ATXN7L1: variants seen among roughly 807,000 people sequenced by gnomAD.
ATXN7L1 encodes ataxin 7 like 1, also known as ataxin-7-like protein 1.
In ATXN7L1, 15 loss-of-function variants were observed where a neutral mutation model predicts 70.8. The ratio of observed to expected loss-of-function variants is 0.21; its 90% CI spans 0.14 to 0.33. ATXN7L1 has a LOEUF of 0.33. ATXN7L1 is among the 10% of genes least tolerant of loss of function. ATXN7L1 has a pLI of 1.00. For missense variants in ATXN7L1, 975 were observed against 1,097.1 expected (o/e 0.89, Z 1.57); for synonymous variants, 440 against 445.1 (o/e 0.99, Z 0.14).
At chr7:105,636,004 C>G (rs1797300199) in intron 7 of ATXN7L1, among the ~76,000 whole-genome samples, 1 of 152,076 alleles carries the variant, frequency 6.6e-6, no homozygotes, top group Admixed American at 6.6e-5. Context: ...GGATCTTGTC[C>G]TAAACTAAGT....
chr7:105,712,201 G>T (rs1794013377), intron 3 of ATXN7L1, among the ~76,000 whole-genome samples: 1 of 152,232 alleles, frequency 6.6e-6, no homozygotes, highest in South Asian at 2.1e-4. Flanking sequence ...CTCTGAGCCT[G>T]GCCCACAAAA....
chr7:105,638,648 C>T, intron 6 of ATXN7L1, 39 bp from the exon 7 acceptor site: 1 of 1,526,788 alleles, frequency 6.5e-7, no homozygotes, highest in Non-Finnish European at 8.8e-7. Flanking sequence ...CCTCTTTGAT[C>T]AGCACATAAA....
At chr7:105,710,236 TGAA>T (rs1173477371) in intron 3 of ATXN7L1, among the ~76,000 whole-genome samples, 2 of 152,106 alleles carry the variant, frequency 1.3e-5, no homozygotes, top group Non-Finnish European at 1.5e-5. Flanking sequence ...GGGTAATTTA[TGAA>T]GAAAAGAGGT....
chr7:105,800,756 CCCTT>C (rs1438201159), intron 2 of ATXN7L1, among the ~76,000 whole-genome samples: 4 of 152,206 alleles, frequency 2.6e-5, no homozygotes, highest in Non-Finnish European at 5.9e-5. Flanking sequence ...CTCTGGATCT[CCCTT>C]CCCTCTTCCA....
At chr7:105,655,728 A>G (rs1473146317) in intron 4 of ATXN7L1, among the ~76,000 whole-genome samples, 1 of 152,148 alleles carries the variant, frequency 6.6e-6, no homozygotes, top group Non-Finnish European at 1.5e-5. Context: ...CCTCTCAGTG[A>G]TCGCTTCCCT....
chr7:105,619,216 C>A (rs1026363801), intron 9 of ATXN7L1, among the ~76,000 whole-genome samples: 1 of 117,176 alleles, frequency 8.5e-6, no homozygotes, highest in Non-Finnish European at 1.6e-5. Flanking sequence ...GGTATGATCT[C>A]AGCTCACTGC....
intron 3 of ATXN7L1, among the ~76,000 whole-genome samples, chr7:105,744,285 C>T (rs1798324486): frequency 6.6e-6 from 1 of 152,188 alleles, no homozygotes; most frequent in Admixed American, 6.5e-5. Flanking sequence ...CAAACACTGA[C>T]ATTATTAATC....
intron 2 of ATXN7L1, among the ~76,000 whole-genome samples, chr7:105,834,120 G>A (rs1037144538): frequency 5.9e-5 from 9 of 152,042 alleles, no homozygotes; most frequent in African/African-American, 1.2e-4. Context: ...TCAGCTCACC[G>A]CAAACTCTGC....
chr7:105,766,226 A>G (rs1801231653), intron 3 of ATXN7L1, among the ~76,000 whole-genome samples: 1 of 151,154 alleles, frequency 6.6e-6, no homozygotes, highest in Non-Finnish European at 1.5e-5. Context: ...CTTTATCGAT[A>G]TATAAGCAAC....
chr7:105,689,723 C>A (rs776850274), intron 3 of ATXN7L1, among the ~76,000 whole-genome samples: 1 of 152,216 alleles, frequency 6.6e-6, no homozygotes, highest in Non-Finnish European at 1.5e-5. Context: ...AACAAAGAGT[C>A]CCTTAGCATC....
At chr7:105,662,193 C>T (rs2116050341) in intron 4 of ATXN7L1, among the ~76,000 whole-genome samples, 1 of 151,750 alleles carries the variant, frequency 6.6e-6, no homozygotes, top group Admixed American at 6.6e-5. Context: ...ACCTCCAACT[C>T]CCAGGTTCAA....
chr7:105,680,213 C>T (rs1319656583), intron 3 of ATXN7L1, among the ~76,000 whole-genome samples: 1 of 152,166 alleles, frequency 6.6e-6, no homozygotes, highest in Non-Finnish European at 1.5e-5. Flanking sequence ...TCTCATCACA[C>T]ACAAGCTAGG....
At chr7:105,630,460 T>TA (rs957632190) in intron 7 of ATXN7L1, among the ~76,000 whole-genome samples, 24 of 152,166 alleles carry the variant, frequency 1.6e-4, no homozygotes, top group Non-Finnish European at 3.4e-4. Flanking sequence ...AGAAATTTTT[T>TA]AAAAAATATT....
intron 2 of ATXN7L1, among the ~76,000 whole-genome samples, chr7:105,860,335 G>T (rs910396936): frequency 2.0e-5 from 3 of 151,774 alleles, no homozygotes; most frequent in Non-Finnish European, 2.9e-5. Context: ...AAAACTTTAG[G>T]TGCTCAAAGA....
At chr7:105,641,941 T>C (rs972252587) in intron 5 of ATXN7L1, among the ~76,000 whole-genome samples, 13 of 152,230 alleles carry the variant, frequency 8.5e-5, no homozygotes, top group African/African-American at 3.1e-4. Flanking sequence ...CCACAATTCC[T>C]TGGGTGCTTA....
At chr7:105,806,956 A>C (rs1038491167) in intron 2 of ATXN7L1, among the ~76,000 whole-genome samples, 3 of 152,188 alleles carry the variant, frequency 2.0e-5, no homozygotes, top group Non-Finnish European at 4.4e-5. Context: ...AACAACAAAT[A>C]TGTGAACAGG....
intron 4 of ATXN7L1, among the ~76,000 whole-genome samples, chr7:105,652,614 C>A (rs1252485261): frequency 6.6e-6 from 1 of 152,244 alleles, no homozygotes. Context: ...CAGACAGTTA[C>A]TGTTTCCCAA....
intron 2 of ATXN7L1, among the ~76,000 whole-genome samples, chr7:105,806,054 GA>G (rs1288626877): frequency 2.6e-5 from 4 of 152,146 alleles, no homozygotes; most frequent in African/African-American, 9.7e-5. Context: ...CAGGACCCAA[GA>G]GACATTTATT....
chr7:105,727,312 A>G (rs1795927289), intron 3 of ATXN7L1, among the ~76,000 whole-genome samples: 1 of 152,080 alleles, frequency 6.6e-6, no homozygotes, highest in African/African-American at 2.4e-5. Context: ...AAAGATACCT[A>G]AGTTGAATGG....
Sources: gnomAD v4.1 joint callset for allele counts (sites outside exome capture counted in the v4.1 genomes callset) on GRCh38, gnomAD v4.1.1 for gene constraint, MANE v1.5 for transcripts, NCBI Gene and HGNC (gene_info 2026-07-23, HGNC 2026-07-21) for gene names.